Variants in GASK1A observed in about 807,000 individuals in gnomAD.
The protein encoded by GASK1A is golgi associated kinase 1A, also known as Golgi-associated kinase 1A.
A neutral mutation model predicts 41.2 loss-of-function variants in GASK1A; 40 were observed. That is an observed-to-expected ratio of 0.97 (90% CI 0.75 to 1.27). GASK1A has a LOEUF of 1.27. GASK1A is among the 50% of genes most tolerant of loss of function. The pLI is 0.00. For synonymous variants in GASK1A, 316 were observed against 307.1 expected, an observed-to-expected ratio of 1.03 and a Z score of -0.30; for missense variants, 678 against 745.1, an observed-to-expected ratio of 0.91 and a Z score of 1.05.
intron 1 of GASK1A, among the ~76,000 whole-genome samples, chr3:42,996,479 A>G (rs984946911): frequency 6.6e-6 from 1 of 152,216 alleles, no homozygotes; most frequent in Non-Finnish European, 1.5e-5. Context: ...TGCTTGGCTC[A>G]GGAAATACCT....
At chr3:43,001,356 G>T (rs1559398502) in intron 1 of GASK1A, among the ~76,000 whole-genome samples, 1 of 152,204 alleles carries the variant, frequency 6.6e-6, no homozygotes, top group Non-Finnish European at 1.5e-5. Context: ...ACTGGATACA[G>T]CTAAATCCAA....
chr3:43,047,177 A>T (rs2089668344), intron 2 of GASK1A, among the ~76,000 whole-genome samples: 1 of 152,214 alleles, frequency 6.6e-6, no homozygotes, highest in Admixed American at 6.5e-5. Flanking sequence ...GACAGCTTGC[A>T]CTGTGCACCT....
chr3:43,038,481 T>C (rs993801118), intron 2 of GASK1A, among the ~76,000 whole-genome samples: 2 of 152,210 alleles, frequency 1.3e-5, no homozygotes, highest in African/African-American at 4.8e-5. Context: ...TATCTAGCCG[T>C]TTCGAATATC....
intron 1 of GASK1A, among the ~76,000 whole-genome samples, chr3:42,988,683 T>C (rs1411937606): frequency 6.6e-6 from 1 of 152,164 alleles, no homozygotes; most frequent in East Asian, 1.9e-4. Context: ...CCGGGCTGCA[T>C]GGGGCACACT....
chr3:43,051,738 C>T (rs1228273490), intron 2 of GASK1A, among the ~76,000 whole-genome samples: 1 of 152,198 alleles, frequency 6.6e-6, no homozygotes, highest in Non-Finnish European at 1.5e-5. Flanking sequence ...CAGGAGAAGG[C>T]TTTTAGTACC....
chr3:43,053,411 G>GCTGTGGC (rs1298856282), intron 2 of GASK1A, 110 bp from the exon 3 acceptor site: 8 of 1,274,344 alleles, frequency 6.3e-6, no homozygotes, highest in Non-Finnish European at 8.5e-6. Context: ...GGTCACCCCT[G>GCTGTGGC]CTGTGGCCCC....
chr3:43,015,808 G>C (rs1248322764), intron 1 of GASK1A, among the ~76,000 whole-genome samples: 2 of 150,226 alleles, frequency 1.3e-5, no homozygotes, highest in African/African-American at 4.9e-5. Flanking sequence ...AACAGGGAGG[G>C]GCAGGGCAGT....
chr3:43,044,026 G>A (rs894308527), intron 2 of GASK1A, among the ~76,000 whole-genome samples: 1 of 150,898 alleles, frequency 6.6e-6, no homozygotes, highest in African/African-American at 2.4e-5. Context: ...AGCCAGCACT[G>A]CACGCATCAT....
At chr3:43,010,772 C>T (rs946625294) in intron 1 of GASK1A, among the ~76,000 whole-genome samples, 1 of 152,202 alleles carries the variant, frequency 6.6e-6, no homozygotes, top group Non-Finnish European at 1.5e-5. Context: ...CATTTGTTCT[C>T]CAAGGAAGTT....
At chr3:43,047,261 G>A (rs1303918835) in intron 2 of GASK1A, among the ~76,000 whole-genome samples, 4 of 152,326 alleles carry the variant, frequency 2.6e-5, no homozygotes, top group Admixed American at 1.3e-4. Flanking sequence ...AAAGCTACAG[G>A]GCCAGAGCTG....
rs531891945 is a variant in GASK1A, at chr3:43,056,304, A to G, written c.1646A>G (p.Gln549Arg). The change falls in exon 5 of 5, where the codon CAG becomes CGG. Residue 549 changes from glutamine to arginine, a missense_variant. Gln to Arg is a conservative substitution (Grantham distance 43, BLOSUM62 1). Transcript: ENST00000430121. ...GGAQGLKQVL[Q>R]TLEQRGQVLL... ...GCCCAGGGGCTGAAGCAGGTCCTCC[A>G]GACCCTGGAGCAGCGAGGACAGGTG... 9.0e-6 allele frequency: 14 copies of G among 1,551,706 alleles called. No individual in the cohort carries two copies. The African/African-American group carries it at 9.6e-5, about 11-fold the overall frequency.
chr3:43,020,582 G>A (rs955527025), intron 1 of GASK1A, among the ~76,000 whole-genome samples: 3 of 152,348 alleles, frequency 2.0e-5, no homozygotes, highest in Non-Finnish European at 2.9e-5. Flanking sequence ...CCACCAAAAG[G>A]TGTGTATTAG....
At chr3:43,020,867 C>T (rs2089518542) in intron 1 of GASK1A, among the ~76,000 whole-genome samples, 1 of 152,238 alleles carries the variant, frequency 6.6e-6, no homozygotes, top group Non-Finnish European at 1.5e-5. Flanking sequence ...GTTATATCCA[C>T]TCATATCCTG....
chr3:43,049,683 C>A (rs1031898283), intron 2 of GASK1A, among the ~76,000 whole-genome samples: 121 of 139,560 alleles, frequency 8.7e-4, no homozygotes, highest in African/African-American at 2.9e-3. Flanking sequence ...GATGTGCTTT[C>A]TCCATGTTTA....
At chr3:42,997,792 G>C (rs1170103547) in intron 1 of GASK1A, among the ~76,000 whole-genome samples, 1 of 152,210 alleles carries the variant, frequency 6.6e-6, no homozygotes, top group Admixed American at 6.5e-5. Context: ...CAGGATTCCA[G>C]TGCAAACAGT....
intron 1 of GASK1A, among the ~76,000 whole-genome samples, chr3:43,015,641 T>A (rs1371726529): frequency 1.5e-5 from 2 of 137,522 alleles, no homozygotes; most frequent in South Asian, 2.4e-4. Context: ...TGAAAGGGGC[T>A]GTGTGAAGCC....
chr3:43,055,846 T>C (rs745305894), intron 4 of GASK1A: 1 of 468,810 alleles, frequency 2.1e-6, no homozygotes, highest in Non-Finnish European at 3.9e-6. Context: ...CCCTCCCAGC[T>C]CACTCTTGGC....
Position 43,056,578 on chromosome 3 carries a change from G to C in GASK1A, c.*192G>C. On this transcript the variant is annotated 3_prime_UTR_variant, in exon 5 of 5. Coordinates refer to ENST00000430121, the MANE Select transcript of GASK1A (RefSeq NM_001129908.3). ...TCAAAGCGTCCCTTTCTGCCTTCTC[G>C]GCTCTGGCTATTTATTCCCTTGCAC... The C allele has an allele frequency of 1.9e-6, 1 of 536,738 alleles. No individual in the cohort carries two copies. The highest frequency in any genetic ancestry group is 3.2e-5 in the South Asian group (1 of 31,022). 33.2% of individuals were successfully genotyped at this position (536,738 alleles called of 1,614,324 possible). A position where few individuals can be genotyped will look rare whatever the true frequency, so the allele number is the denominator to read the frequency against.
chr3:43,011,262 G>A lies in GASK1A; in HGVS notation c.4-21005G>A, dbSNP rs529116833. ...CTGGGTGTGGTGGCGTGCGCCTGTA[G>A]TCCCAGCTACTTGAGAGGCTGAGGC... On this transcript the variant is annotated intron_variant, in intron 1 of 4. Transcript: ENST00000430121. Among the ~76,000 whole-genome samples the A allele has an allele frequency of 3.3e-5, 5 of 151,846 alleles. No individual in the cohort carries two copies. The East Asian group carries it at 5.8e-4, about 18-fold the overall frequency.
Sources: gnomAD v4.1 joint callset for allele counts (sites outside exome capture counted in the v4.1 genomes callset) on GRCh38, gnomAD v4.1.1 for gene constraint, MANE v1.5 for transcripts, NCBI Gene and HGNC (gene_info 2026-07-23, HGNC 2026-07-21) for gene names.